The following ATP6V0E2 variants were observed in gnomAD, a reference collection of about 807,000 sequenced individuals.
ATP6V0E2 encodes the protein ATPase H+ transporting V0 subunit e2.
ATP6V0E2 carries 4 observed loss-of-function variants against 11.5 expected under a neutral mutation model. The ratio of observed to expected loss-of-function variants is 0.35; its 90% CI spans 0.17 to 0.80. The LOEUF is 0.80. Ranked by LOEUF, ATP6V0E2 falls within the 30% of genes least tolerant of loss-of-function variation. ATP6V0E2 has a pLI of 0.53. For synonymous variants in ATP6V0E2, 52 were observed against 51.0 expected (o/e 1.02, Z -0.09); for missense variants, 93 against 113.5 (o/e 0.82, Z 0.82).
chr7:149,874,416 C>T (rs919557221), intron 1 of ATP6V0E2, among the ~76,000 whole-genome samples: 29 of 152,304 alleles, frequency 1.9e-4, no homozygotes, highest in Non-Finnish European at 2.8e-4. Context: ...ATGTCTGTCA[C>T]CCCTCCTGCA....
At chr7:149,873,951 TTCGGGTGCTCGAC>T, upstream of ATP6V0E2, 1 of 1,544,252 alleles carries the variant, frequency 6.5e-7, no homozygotes. Context: ...GGCTGATCGC[TTCGGGTGCTCGAC>T]TCCTGTTGCG....
Position 149,879,438 on chromosome 7 carries a change from G to A in ATP6V0E2, c.*123G>A. The stretch of plus-strand genomic sequence containing the variant: ...TCTGGTCACCAGCTCCCTCCTGCTG[G>A]CACCCAGAGACCCGGACCCGCAGGG... On this transcript the variant is annotated 3_prime_UTR_variant, in exon 4 of 4. Coordinates refer to ENST00000425642, the MANE Select transcript of ATP6V0E2 (RefSeq NM_145230.4). 1 of 1,603,838 alleles carries A rather than the reference G, an allele frequency of 6.2e-7. No homozygotes were observed. Among genetic ancestry groups the A allele is most frequent in the Non-Finnish European group, 8.5e-7 (1 of 1,175,614 alleles).
intron 1 of ATP6V0E2, chr7:149,874,486 A>G: frequency 3.2e-6 from 1 of 310,882 alleles, no homozygotes; most frequent in Non-Finnish European, 6.0e-6. Flanking sequence ...TAGCTGTGTG[A>G]CCTAGAGCCA....
At chr7:149,874,317 T>C in intron 1 of ATP6V0E2, 148 bp downstream of exon 1, 1 of 1,077,424 alleles carries the variant, frequency 9.3e-7, no homozygotes, top group Non-Finnish European at 1.3e-6. Context: ...CTGAGGTCTC[T>C]CTGCACCTGG....
intron 2 of ATP6V0E2, among the ~76,000 whole-genome samples, chr7:149,877,563 C>CTTTTTTTT (rs11334520): frequency 7.1e-6 from 1 of 141,238 alleles, no homozygotes; most frequent in Non-Finnish European, 1.5e-5. Context: ...CTTAAACCCA[C>CTTTTTTTT]TTTTTTTTTT....
chr7:149,873,223 C>T (rs1172526713), upstream of ATP6V0E2: 1 of 152,256 alleles, frequency 6.6e-6, no homozygotes, highest in Non-Finnish European at 1.5e-5. Flanking sequence ...TTTAAACAAA[C>T]CTTAACTACT....
rs549973608 is a variant in ATP6V0E2 at position 149,876,568 on chromosome 7, A to T, written c.152+923A>T. On this transcript the variant is annotated intron_variant, in intron 2 of 3. Coordinates refer to ENST00000425642, the MANE Select transcript of ATP6V0E2 (RefSeq NM_145230.4). ...TAGCCAATCCCTCTTTATTAAAAAA[A>T]TTTTTTAAAAGGAAAAAGAAAAAGA... Among the ~76,000 whole-genome samples, 20 of 152,276 alleles carry T rather than the reference A, an allele frequency of 1.3e-4. No individual in the cohort carries two copies. In the East Asian group the frequency reaches 1.3e-3, roughly 10 times the overall value.
chr7:149,879,799 G>T lies in ATP6V0E2; in HGVS notation c.*484G>T, dbSNP rs1239961017. 1 of 638,406 alleles carries T rather than the reference G, an allele frequency of 1.6e-6. No homozygotes were observed. Among genetic ancestry groups the T allele is most frequent in the African/African-American group, 1.9e-5 (1 of 52,620 alleles). 39.5% of individuals were successfully genotyped at this position (638,406 alleles called of 1,614,324 possible). On this transcript the variant is annotated 3_prime_UTR_variant, in exon 4 of 4. Transcript: ENST00000425642. ...GGGCCTCTATTGGGTTATAGGCAAG[G>T]CCTTTTCTCTGGCATGGAATTGTTA...
Position 149,880,015 on chromosome 7 carries a change from T to G in ATP6V0E2, c.*700T>G. The G allele has an allele frequency of 5.0e-6, 1 of 202,012 alleles. No individual in the cohort carries two copies. The highest frequency in any genetic ancestry group is 1.9e-4 in the South Asian group (1 of 5,344). 12.5% of individuals were successfully genotyped at this position (202,012 alleles called of 1,614,324 possible). The stretch of plus-strand genomic sequence containing the variant: ...GACCTCCCTCAGTGGATGTCTTCCC[T>G]CCCCCGACCCCAGCCTGTCAGTCCG... On this transcript the variant is annotated 3_prime_UTR_variant, in exon 4 of 4. Coordinates refer to ENST00000425642, the MANE Select transcript of ATP6V0E2 (RefSeq NM_145230.4).
chr7:149,878,208 G>C (rs1803252743), intron 2 of ATP6V0E2, among the ~76,000 whole-genome samples: 1 of 152,236 alleles, frequency 6.6e-6, no homozygotes, highest in African/African-American at 2.4e-5. Flanking sequence ...CCTGGCAGCA[G>C]CCTGAACAGG....
chr7:149,879,694 C>A lies in ATP6V0E2; in HGVS notation c.*379C>A. 1 of 1,394,476 alleles carries A rather than the reference C, an allele frequency of 7.2e-7. No individual in the cohort carries two copies. The highest frequency in any genetic ancestry group is 9.4e-7 in the Non-Finnish European group (1 of 1,067,652). The allele number at this position is 1,394,476 out of a possible 1,614,324, so 86.4% of individuals were successfully genotyped here. On this transcript the variant is annotated 3_prime_UTR_variant, in exon 4 of 4. Coordinates refer to ENST00000425642, the MANE Select transcript of ATP6V0E2 (RefSeq NM_145230.4). ...CCATCCTGAGGAGGACACGTGTCCT[C>A]ATGGAGAGGGTGCTCCGGCCCAGGC...
Position 149,873,990 on chromosome 7 carries a change from G to C in ATP6V0E2, c.-76G>C. The C allele has an allele frequency of 6.5e-7, 1 of 1,544,690 alleles. No homozygotes were observed. On this transcript the variant is annotated 5_prime_UTR_variant, in exon 1 of 4. Coordinates refer to ENST00000425642, the MANE Select transcript of ATP6V0E2 (RefSeq NM_145230.4). ...TCCTGTTGCGCATGCTCAGCGCGCT[G>C]CCCGGCTGGGGACCCGCGCACCTGC...
At chr7:149,875,676 G>T (rs1586094312) in intron 2 of ATP6V0E2, 31 bp downstream of exon 2, 2 of 1,607,196 alleles carry the variant, frequency 1.2e-6, no homozygotes, top group Non-Finnish European at 8.5e-7. Context: ...CTCAAAGTCA[G>T]CCAGTTCCTT....
upstream of ATP6V0E2, chr7:149,873,756 G>C: frequency 1.1e-6 from 1 of 940,416 alleles, no homozygotes; most frequent in Non-Finnish European, 1.5e-6. Flanking sequence ...GACGTTGGCT[G>C]TGCGGGCGCG....
At chr7:149,879,291 C>T in intron 3 of ATP6V0E2, 44 bp from the exon 4 acceptor site, 1 of 1,447,524 alleles carries the variant, frequency 6.9e-7, no homozygotes, top group Non-Finnish European at 9.1e-7. Flanking sequence ...GCAGTGGAGT[C>T]TCCACTGCAA....
intron 2 of ATP6V0E2, 60 bp from the exon 3 acceptor site, chr7:149,878,618 C>G (rs6946997): frequency 0.61 from 930,523 of 1,514,778 alleles, 290,668 homozygotes; most frequent in African/African-American, 0.81. Flanking sequence ...ACCGAGGCCT[C>G]CCCTGGGTGT....
At chr7:149,873,850 T>C, upstream of ATP6V0E2, 4 of 1,450,682 alleles carry the variant, frequency 2.8e-6, no homozygotes, top group Non-Finnish European at 2.7e-6. Context: ...TCCGCGGCCC[T>C]GCTCAGCCAA....
rs1255302839 is a variant in ATP6V0E2, at chr7:149,878,693, C to T, written c.168C>T (p.Ile56=). Reference sequence around the variant, plus strand: ...TCCCTGGCAGCTGGCTCATCGCCATCCTGGCGCAGCTGAACCCCCTGTTCG... The same window carrying T: ...TCCCTGGCAGCTGGCTCATCGCCATTCTGGCGCAGCTGAACCCCCTGTTCG... ...VCCYLFWLIA[I]LAQLNPLFGP... is the part of the protein sequence containing the mutation. Residue 56 remains isoleucine (I), a synonymous_variant, in exon 3 of 4, where the codon ATC becomes ATT. Coordinates refer to ENST00000425642, the MANE Select transcript of ATP6V0E2 (RefSeq NM_145230.4). 2 of 1,612,204 alleles carry T rather than the reference C, an allele frequency of 1.2e-6. No homozygotes were observed. The highest frequency in any genetic ancestry group is 1.7e-6 in the Non-Finnish European group (2 of 1,179,808).
intron 1 of ATP6V0E2, 88 bp from the exon 2 acceptor site, chr7:149,875,510 C>T: frequency 1.5e-6 from 2 of 1,330,506 alleles, no homozygotes; most frequent in South Asian, 1.2e-5. Flanking sequence ...AAAGAGCTCA[C>T]ACCAGGAGCT....
Sources: gnomAD v4.1 joint callset for allele counts (sites outside exome capture counted in the v4.1 genomes callset) on GRCh38, gnomAD v4.1.1 for gene constraint, MANE v1.5 for transcripts, NCBI Gene and HGNC (gene_info 2026-07-23, HGNC 2026-07-21) for gene names.